Variants in KIFC3 observed in about 807,000 individuals in gnomAD.
KIFC3 encodes the protein kinesin family member C3.
Under a neutral mutation model 101.8 loss-of-function variants are expected in KIFC3, and 60 were observed. The observed-to-expected ratio is 0.59, with a 90% CI of 0.48 to 0.73. The LOEUF (loss-of-function observed/expected upper bound fraction) is 0.73. Ranked by LOEUF, KIFC3 falls within the 30% of genes least tolerant of loss-of-function variation. The pLI, the probability that KIFC3 is intolerant of heterozygous loss-of-function variation, is 0.00. For synonymous variants in KIFC3, 476 were observed against 482.7 expected (o/e 0.99, Z 0.18); for missense variants, 966 against 1,137.1 (o/e 0.85, Z 2.16).
In KIFC3 at chr16:57,758,524, G is replaced by A. The variant is rs781933427; in HGVS notation, c.*410C>T. On this transcript the variant is annotated 3_prime_UTR_variant, in exon 20 of 20. Transcript: ENST00000445690. ...CCCATGGTTCTTGGGTCTGCCCAGA[G>A]GCTCCTCGCCCACCCCCTAAGGAGG... 8 of 537,834 alleles carry A rather than the reference G, an allele frequency of 1.5e-5. No homozygotes were observed. 33.3% of individuals were successfully genotyped at this position (537,834 alleles called of 1,614,324 possible). A position where few individuals can be genotyped will look rare whatever the true frequency, so the allele number is the denominator to read the frequency against.
intron 1 of KIFC3, among the ~76,000 whole-genome samples, chr16:57,838,108 T>C (rs1399668813): frequency 6.6e-6 from 1 of 152,028 alleles, no homozygotes; most frequent in African/African-American, 2.4e-5. Flanking sequence ...TTTCATCTTC[T>C]GAAGGAGCAA....
chr16:57,855,799 A>C (rs998626118), intron 1 of KIFC3, among the ~76,000 whole-genome samples: 2 of 151,900 alleles, frequency 1.3e-5, no homozygotes, highest in South Asian at 2.1e-4. Context: ...TACAAAAATT[A>C]GCTCAGCGTG....
In KIFC3 at chr16:57,786,488, G is replaced by A. The variant is rs2149122589; in HGVS notation, c.315+8511C>T. Among the ~76,000 whole-genome samples, 2 of 151,748 alleles carry A rather than the reference G, an allele frequency of 1.3e-5. 1 individual carries two copies. Among genetic ancestry groups the A allele is most frequent in the South Asian group, 4.1e-4 (2 of 4,828 alleles). ...AGAATGGCCATGGTCTTTGCAGGTAGGGAGCAAAGAGTTTGGGGGAGAGAG... is the reference window on the plus strand; with the variant it reads ...AGAATGGCCATGGTCTTTGCAGGTAAGGAGCAAAGAGTTTGGGGGAGAGAG... On this transcript the variant is annotated intron_variant, in intron 3 of 19. Coordinates refer to ENST00000445690, the MANE Select transcript of KIFC3 (RefSeq NM_001130100.2).
intron 3 of KIFC3, chr16:57,775,574 G>C: frequency 1.0e-6 from 1 of 985,992 alleles, no homozygotes; most frequent in Non-Finnish European, 1.2e-6. Context: ...AGCAGTGAGA[G>C]CCAAGAGCAG....
At chr16:57,832,641 A>C (rs62039940) in intron 1 of KIFC3, among the ~76,000 whole-genome samples, 2,687 of 152,068 alleles carry the variant, frequency 0.018, 29 homozygotes, top group Non-Finnish European at 0.029. Flanking sequence ...TTCTCCCAGC[A>C]TACTGCCCTT....
exon 1 of KIFC3, chr16:57,862,758 A>G (rs1330865712): frequency 9.3e-6 from 12 of 1,289,362 alleles, no homozygotes; most frequent in South Asian, 3.7e-5. Flanking sequence ...CCAGCCTCCA[A>G]TCTGAGGGTT....
At position 57,860,764 on chromosome 16, in the gene KIFC3, G is replaced by A. The variant is rs562343632; in HGVS notation, c.108+1965C>T. Among the ~76,000 whole-genome samples, 7 of 152,252 alleles carry A rather than the reference G, an allele frequency of 4.6e-5. No individual in the cohort carries two copies. The East Asian group carries it at 5.8e-4, about 13-fold the overall frequency. On this transcript the variant is annotated intron_variant, in intron 1 of 2. Transcript: ENST00000563028. Reference sequence around the variant, plus strand: ...ATCTCCCTCTGTCACCCAGGCTGGAGTACAGTGGCACTATCATGGCTTACT... The same window carrying A: ...ATCTCCCTCTGTCACCCAGGCTGGAATACAGTGGCACTATCATGGCTTACT...
At chr16:57,770,982 G>C (rs148881272) in intron 6 of KIFC3, among the ~76,000 whole-genome samples, 1 of 152,232 alleles carries the variant, frequency 6.6e-6, no homozygotes, top group Non-Finnish European at 1.5e-5. Flanking sequence ...GGGCTGCGCT[G>C]CATCTGTGCC....
At chr16:57,838,777 C>T (rs1462982633) in intron 1 of KIFC3, among the ~76,000 whole-genome samples, 2 of 152,148 alleles carry the variant, frequency 1.3e-5, no homozygotes, top group African/African-American at 4.8e-5. Flanking sequence ...TCTTTGCTTC[C>T]TGAACCACTC....
At chr16:57,816,440 G>A (rs782034744) in intron 1 of KIFC3, 17 of 473,358 alleles carry the variant, frequency 3.6e-5, no homozygotes, top group South Asian at 1.1e-4. Context: ...GGTTTTGGCC[G>A]CCACAGGGGA....
rs2049420383 is a variant in KIFC3 at position 57,758,700 on chromosome 16, A to G, written c.*234T>C. ...AGCAGCCACCCCCGCCTTTCCGCCC[A>G]TGCAATTTGCACTCAGAGCCACAGC... On this transcript the variant is annotated 3_prime_UTR_variant, in exon 20 of 20. Transcript: ENST00000445690. 1.3e-6 allele frequency: 1 copy of G among 747,396 alleles called. No homozygotes were observed. Among genetic ancestry groups the G allele is most frequent in the East Asian group, 2.7e-5 (1 of 37,570 alleles). The allele number at this position is 747,396 out of a possible 1,614,324, so 46.3% of individuals were successfully genotyped here. A position where few individuals can be genotyped will look rare whatever the true frequency, so the allele number is the denominator to read the frequency against.
chr16:57,806,123 C>T (rs1488463318), upstream of KIFC3, among the ~76,000 whole-genome samples: 1 of 152,146 alleles, frequency 6.6e-6, no homozygotes, highest in East Asian at 1.9e-4. Context: ...GTTCTGCTCC[C>T]CAAAGGGAAG....
chr16:57,858,263 G>A (rs114987560), intron 1 of KIFC3, among the ~76,000 whole-genome samples: 1 of 152,146 alleles, frequency 6.6e-6, no homozygotes, highest in Non-Finnish European at 1.5e-5. Flanking sequence ...TAGTCTCAGA[G>A]CCTCATTGCA....
chr16:57,843,895 G>A (rs1361642086), intron 1 of KIFC3, among the ~76,000 whole-genome samples: 1 of 151,696 alleles, frequency 6.6e-6, no homozygotes, highest in African/African-American at 2.4e-5. Context: ...ATCATTTGAG[G>A]TCAGGAGTTC....
rs1293006378 is a variant in KIFC3 at position 57,760,713 on chromosome 16, C to T, written c.2232+13G>A. 9.9e-6 allele frequency: 16 copies of T among 1,610,472 alleles called. No individual in the cohort carries two copies. The highest frequency in any genetic ancestry group is 5.3e-5 in the African/African-American group (4 of 74,852). The stretch of plus-strand genomic sequence containing the variant: ...ATGCTAGGGACTGGCCCGCCCTAAC[C>T]CAAGGTCCTCACCTGTACCACCATG... On this transcript the variant is annotated intron_variant, in intron 16 of 19. Coordinates refer to ENST00000445690, the MANE Select transcript of KIFC3 (RefSeq NM_001130100.2).
intron 10 of KIFC3, 127 bp downstream of exon 10, chr16:57,766,747 C>G (rs2050530060): frequency 1.6e-6 from 1 of 626,022 alleles, no homozygotes; most frequent in African/African-American, 1.8e-5. Context: ...CTCTGTGCCT[C>G]TGTTTCCTTA....
chr16:57,802,635 A>C, upstream of KIFC3: 1 of 1,013,168 alleles, frequency 9.9e-7, no homozygotes, highest in Non-Finnish European at 1.2e-6. This position sits in a 1 kb window ranked among gnomAD's most constrained non-coding sequence, Gnocchi z 5.0. Context: ...GCGCCCCCGC[A>C]GGTCTCCCGC....
intron 1 of KIFC3, among the ~76,000 whole-genome samples, chr16:57,854,629 GA>G (rs59106449): frequency 0.56 from 73,469 of 131,020 alleles, 20,593 homozygotes; most frequent in East Asian, 0.66. Context: ...CTCCGTCTCA[GA>G]AAAAAAAAAA....
At chr16:57,832,928 C>T (rs2055613555) in intron 1 of KIFC3, among the ~76,000 whole-genome samples, 1 of 152,146 alleles carries the variant, frequency 6.6e-6, no homozygotes, top group Non-Finnish European at 1.5e-5. Context: ...TATAAGCCGG[C>T]CAGGCTCGGT....
Sources: allele counts gnomAD v4.1 joint callset (sites outside exome capture counted in the v4.1 genomes callset), GRCh38; gene constraint gnomAD v4.1.1; non-coding constraint Gnocchi (gnomAD v3.1); transcripts MANE v1.5; gene names NCBI Gene and HGNC (gene_info 2026-07-23, HGNC 2026-07-21).